The following SNTG1 variants were observed in gnomAD, a reference collection of about 807,000 sequenced individuals.
SNTG1 encodes gamma-1-syntrophin.
In SNTG1, 39 loss-of-function variants were observed where a neutral mutation model predicts 74.7. That is an observed-to-expected ratio of 0.52 (90% CI 0.40 to 0.68). The LOEUF (loss-of-function observed/expected upper bound fraction) is 0.68. Among genes scored for constraint, SNTG1 ranks in the 30% least tolerant of loss-of-function variants. SNTG1 has a pLI of 0.00. For synonymous variants in SNTG1, 254 were observed against 217.1 expected (o/e 1.17, Z -1.49); for missense variants, 685 against 609.5 (o/e 1.12, Z -1.30).
intron 1 of SNTG1, among the ~76,000 whole-genome samples, chr8:50,042,973 A>T (rs1297316047): frequency 6.6e-6 from 1 of 152,236 alleles, no homozygotes; most frequent in Non-Finnish European, 1.5e-5. Flanking sequence ...GGCATGAGCC[A>T]TTGAGTAATA....
chr8:50,315,923 G>T lies in SNTG1; in HGVS notation c.-27-78289G>T, dbSNP rs146837659. On this transcript the variant is annotated intron_variant, in intron 2 of 18. Transcript: ENST00000642720. ...AAATACTACCTGGAAGTTCAGAAAA[G>T]TGGAAATTGAATGTGAGAAGACTTC... Among the ~76,000 whole-genome samples, 499 of 152,220 alleles carry T rather than the reference G, an allele frequency of 3.3e-3. 8 individuals are homozygous for T. The highest frequency in any genetic ancestry group is 1.8e-3 in the Non-Finnish European group (120 of 67,968).
At chr8:50,420,979 T>G (rs1294627393) in intron 4 of SNTG1, among the ~76,000 whole-genome samples, 5 of 124,274 alleles carry the variant, frequency 4.0e-5, no homozygotes, top group African/African-American at 6.2e-5. Flanking sequence ...GACCCAAGAC[T>G]ATACCACTGC....
At chr8:50,661,292 T>C (rs1291617905) in intron 15 of SNTG1, among the ~76,000 whole-genome samples, 1 of 152,212 alleles carries the variant, frequency 6.6e-6, no homozygotes, top group Non-Finnish European at 1.5e-5. Context: ...CAGACTTTTA[T>C]GCAAATTCTT....
intron 1 of SNTG1, among the ~76,000 whole-genome samples, chr8:49,936,468 C>G (rs1423076443): frequency 2.0e-5 from 3 of 152,070 alleles, no homozygotes; most frequent in Admixed American, 1.3e-4. Flanking sequence ...AACTAAAATA[C>G]AAATTGTCAA....
intron 9 of SNTG1, among the ~76,000 whole-genome samples, chr8:50,514,835 A>G (rs2094117681): frequency 6.6e-6 from 1 of 152,140 alleles, no homozygotes; most frequent in African/African-American, 2.4e-5. Flanking sequence ...TAAATGTCAT[A>G]CTATTATTGT....
At chr8:50,071,794 TG>T (rs1489377662) in intron 1 of SNTG1, among the ~76,000 whole-genome samples, 1 of 144,210 alleles carries the variant, frequency 6.9e-6, no homozygotes, top group Non-Finnish European at 1.5e-5. Flanking sequence ...ATGTATATTT[TG>T]ATAGAGAACA....
chr8:50,298,417 G>A (rs1195943631), intron 2 of SNTG1, among the ~76,000 whole-genome samples: 2 of 152,114 alleles, frequency 1.3e-5, no homozygotes, highest in Non-Finnish European at 2.9e-5. Context: ...AGTGAGGGAA[G>A]CTGCCTTATT....
intron 1 of SNTG1, among the ~76,000 whole-genome samples, chr8:49,917,958 T>G (rs1270949718): frequency 4.7e-5 from 7 of 149,754 alleles, no homozygotes; most frequent in Non-Finnish European, 8.9e-5. Context: ...TTGCTTTACC[T>G]AATTTCATTG....
intron 1 of SNTG1, among the ~76,000 whole-genome samples, chr8:50,091,543 T>C (rs1256890711): frequency 6.6e-6 from 1 of 152,142 alleles, no homozygotes; most frequent in African/African-American, 2.4e-5. Context: ...TGCAGCATTG[T>C]CTTTCTGTGC....
At chr8:50,382,380 T>G (rs1299106149) in intron 2 of SNTG1, 1 of 152,330 alleles carries the variant, frequency 6.6e-6, no homozygotes, top group African/African-American at 2.4e-5. Flanking sequence ...TAGTTGTGTT[T>G]AAAGGATTTT....
intron 1 of SNTG1, among the ~76,000 whole-genome samples, chr8:49,958,427 CT>C (rs143825343): frequency 2.3e-3 from 326 of 144,256 alleles, no homozygotes; most frequent in African/African-American, 2.5e-3. Flanking sequence ...TGTTTTCTTT[CT>C]TTTTTTTTTT....
intron 11 of SNTG1, among the ~76,000 whole-genome samples, chr8:50,551,709 C>T (rs1473989240): frequency 6.6e-6 from 1 of 152,122 alleles, no homozygotes; most frequent in Non-Finnish European, 1.5e-5. Context: ...AACTAACTTT[C>T]TTTCAAAAAG....
At chr8:50,701,793 CCTCCTCCTCTTCTTCTTCTTCTTCTT>C (rs1187288504) in intron 15 of SNTG1, among the ~76,000 whole-genome samples, 1 of 147,200 alleles carries the variant, frequency 6.8e-6, no homozygotes, top group Non-Finnish European at 1.5e-5. Context: ...TCTTCCTCCT[CCTCCTCCTCTTCTTCTTCTTCTTCTT>C]CTCCTCCTCC....
intron 2 of SNTG1, among the ~76,000 whole-genome samples, chr8:50,229,179 T>A (rs1305288378): frequency 6.6e-6 from 1 of 151,402 alleles, no homozygotes; most frequent in Non-Finnish European, 1.5e-5. Flanking sequence ...TAAAACCCAC[T>A]AAGACAGAAA....
At chr8:50,142,564 A>G (rs1371243010) in intron 1 of SNTG1, among the ~76,000 whole-genome samples, 1 of 152,018 alleles carries the variant, frequency 6.6e-6, no homozygotes, top group Non-Finnish European at 1.5e-5. Flanking sequence ...AAAGGTAACC[A>G]GAAGTAAAAT....
intron 9 of SNTG1, among the ~76,000 whole-genome samples, chr8:50,526,636 T>C (rs1424347939): frequency 1.0e-5 from 1 of 96,530 alleles, no homozygotes; most frequent in Non-Finnish European, 2.0e-5. Context: ...CACAAACACA[T>C]ATATACACGC....
chr8:50,252,491 C>A (rs2086686863), intron 2 of SNTG1, among the ~76,000 whole-genome samples: 1 of 151,842 alleles, frequency 6.6e-6, no homozygotes, highest in African/African-American at 2.4e-5. Context: ...GAGAAAAAAC[C>A]CAAATAAATA....
chr8:50,410,842 C>T (rs1024530453), intron 4 of SNTG1, among the ~76,000 whole-genome samples: 7 of 152,104 alleles, frequency 4.6e-5, no homozygotes, highest in Non-Finnish European at 8.8e-5. Flanking sequence ...GGAAGGGTTC[C>T]CTTCTTTCCT....
At chr8:50,495,801 T>C (rs976265680) in intron 8 of SNTG1, among the ~76,000 whole-genome samples, 6 of 152,154 alleles carry the variant, frequency 3.9e-5, no homozygotes, top group Admixed American at 6.5e-5. Flanking sequence ...AAGGGTAGTA[T>C]GCTCCCTCAC....
Sources: gnomAD v4.1 joint callset for allele counts (sites outside exome capture counted in the v4.1 genomes callset) on GRCh38, gnomAD v4.1.1 for gene constraint, MANE v1.5 for transcripts, NCBI Gene and HGNC (gene_info 2026-07-23, HGNC 2026-07-21) for gene names.